Variants in SPNS3 observed in about 807,000 individuals in gnomAD.
SPNS3 encodes protein spinster homolog 3.
SPNS3 carries 51 observed loss-of-function variants against 54.4 expected under a neutral mutation model. The observed-to-expected ratio is 0.94, with a 90% confidence interval of 0.75 to 1.18. SPNS3 has a LOEUF of 1.18. SPNS3 is among the 50% of genes most tolerant of loss of function. The probability of loss-of-function intolerance (pLI) is 0.00; values close to 1 mark genes in which losing one functional copy is unlikely to be tolerated. For missense variants in SPNS3, 669 were observed against 677.4 expected (o/e 0.99, Z 0.14); for synonymous variants, 309 against 294.7 (o/e 1.05, Z -0.50).
chr17:4,476,358 G>A (rs2144193283), intron 8 of SPNS3, among the ~76,000 whole-genome samples: 1 of 152,318 alleles, frequency 6.6e-6, no homozygotes, highest in Non-Finnish European at 1.5e-5. Flanking sequence ...TTTGGGGCCG[G>A]GATCCACCCT....
At chr17:4,454,922 C>CTT (rs35746719) in intron 8 of SPNS3, among the ~76,000 whole-genome samples, 12,280 of 147,108 alleles carry the variant, frequency 0.083, 529 homozygotes, top group Middle Eastern at 0.16. Context: ...TGCACCCAGC[C>CTT]TTTTTTTTTG....
At chr17:4,451,787 C>T (rs975864288) in intron 7 of SPNS3, among the ~76,000 whole-genome samples, 3 of 151,928 alleles carry the variant, frequency 2.0e-5, no homozygotes, top group African/African-American at 7.3e-5. Flanking sequence ...CCTGCCTCAA[C>T]CTCCTGAGTG....
intron 1 of SPNS3, among the ~76,000 whole-genome samples, chr17:4,434,682 A>G (rs1970669400): frequency 6.6e-6 from 1 of 151,464 alleles, no homozygotes; most frequent in Non-Finnish European, 1.5e-5. Context: ...TTTTGAGTAG[A>G]GGAGGAGTAG....
chr17:4,445,006 A>G, intron 2 of SPNS3, 26 bp from the exon 3 acceptor site: 2 of 1,606,380 alleles, frequency 1.2e-6, no homozygotes, highest in South Asian at 1.1e-5. Flanking sequence ...GGGGGGATCC[A>G]GGCTGCCCCT....
rs763340171 is a variant in SPNS3 at position 4,446,054 on chromosome 17, T to C, written c.409T>C (p.Trp137Arg). ...SSSFISPRYS[W>R]LFFLSRGIVG... is the part of the protein sequence containing the mutation. The stretch of plus-strand genomic sequence containing the variant: ...CTTGTGCCTGCTCGCCCAGTATTCT[T>C]GGCTCTTCTTCCTGTCCCGGGGCAT... The change falls in exon 4 of 12, where the codon TGG becomes CGG. Residue 137 changes from tryptophan to arginine, a missense_variant. Transcript: ENST00000355530. 3 of 1,607,134 alleles carry C rather than the reference T, an allele frequency of 1.9e-6. No homozygotes were observed. The highest frequency in any genetic ancestry group is 1.1e-5 in the South Asian group (1 of 90,692).
chr17:4,472,932 G>A (rs1438962078), intron 8 of SPNS3, among the ~76,000 whole-genome samples: 1 of 151,486 alleles, frequency 6.6e-6, no homozygotes, highest in Non-Finnish European at 1.5e-5. Context: ...GGGATCACAG[G>A]TGCATGCCAC....
intron 8 of SPNS3, among the ~76,000 whole-genome samples, chr17:4,467,775 T>C (rs6416879): frequency 0.87 from 132,156 of 152,224 alleles, 57,677 homozygotes; most frequent in East Asian, 1. Context: ...AAGTGATTCT[T>C]CTGCCTCAGC....
chr17:4,476,697 G>A (rs1972011465), intron 8 of SPNS3, among the ~76,000 whole-genome samples: 1 of 152,182 alleles, frequency 6.6e-6, no homozygotes, highest in African/African-American at 2.4e-5. Flanking sequence ...CCTGATTCCT[G>A]CCCCTGTGGG....
chr17:4,460,505 C>T (rs1490509422), intron 8 of SPNS3, among the ~76,000 whole-genome samples: 2 of 147,844 alleles, frequency 1.4e-5, no homozygotes, highest in Non-Finnish European at 3.0e-5. Context: ...GATCTCGGCT[C>T]ACTGCAAGCT....
chr17:4,455,682 C>G (rs1971293353), intron 8 of SPNS3, among the ~76,000 whole-genome samples: 1 of 152,184 alleles, frequency 6.6e-6, no homozygotes, highest in African/African-American at 2.4e-5. Flanking sequence ...CGCCCTCTCC[C>G]CTCCCACGAC....
At chr17:4,479,176 G>A (rs1972092043) in intron 9 of SPNS3, among the ~76,000 whole-genome samples, 1 of 152,166 alleles carries the variant, frequency 6.6e-6, no homozygotes. Context: ...CCTGACCTCA[G>A]GTGATCTGCC....
At position 4,448,274 on chromosome 17, in the gene SPNS3, G is replaced by GT. The variant is rs1190467988; in HGVS notation, c.742dup (p.Cys248LeufsTer2). 3.2e-6 allele frequency: 5 copies of GT among 1,585,824 alleles called. No individual in the cohort carries two copies. The Admixed American group carries it at 5.7e-5, about 18-fold the overall frequency. On this transcript the variant is annotated frameshift_variant, in exon 6 of 12. Coordinates refer to ENST00000355530, the MANE Select transcript of SPNS3 (RefSeq NM_182538.5). LOFTEE classifies it high-confidence loss of function. ...CCGTGGGAGGCTTCAGGAGCAGCTG[G>GT]TGTGAGGACGTCAGATACCTGGGGA...
chr17:4,450,659 C>T (rs1971138691), intron 7 of SPNS3, among the ~76,000 whole-genome samples: 1 of 151,630 alleles, frequency 6.6e-6, no homozygotes, highest in African/African-American at 2.4e-5. Context: ...TGCAGTGGCA[C>T]AATCTTGGCT....
intron 8 of SPNS3, among the ~76,000 whole-genome samples, chr17:4,474,563 G>A (rs963446585): frequency 6.6e-5 from 10 of 152,132 alleles, no homozygotes; most frequent in African/African-American, 2.4e-4. Flanking sequence ...CACCGCCCCC[G>A]CCACCCCACA....
At chr17:4,450,908 G>A (rs1449047908) in intron 7 of SPNS3, among the ~76,000 whole-genome samples, 10 of 151,790 alleles carry the variant, frequency 6.6e-5, no homozygotes, top group East Asian at 1.9e-4. Flanking sequence ...GTGCCCGGCC[G>A]AACTTACAGA....
Position 4,486,166 on chromosome 17 carries a change from G to C in SPNS3, c.1180-62G>C. On this transcript the variant is annotated intron_variant, in intron 9 of 11. Transcript: ENST00000355530. The surrounding 1 kb of genome is among the most constrained non-coding windows in gnomAD (Gnocchi z 5.5). ...CCTCCAGGCAGGTCCTTGGCAGGTG[G>C]GGAACAGCAGGCAAGGGTGCCCTCA... The C allele has an allele frequency of 7.0e-7, 1 of 1,426,028 alleles. No individual in the cohort carries two copies. Among genetic ancestry groups the C allele is most frequent in the Non-Finnish European group, 9.3e-7 (1 of 1,077,972 alleles). 88.3% of individuals were successfully genotyped at this position (1,426,028 alleles called of 1,614,324 possible).
At chr17:4,444,515 G>A (rs73338493) in intron 2 of SPNS3, among the ~76,000 whole-genome samples, 11,477 of 152,032 alleles carry the variant, frequency 0.075, 1,322 homozygotes, top group African/African-American at 0.25. Flanking sequence ...GAGCCACCGC[G>A]CCCGGCCCAG....
intron 2 of SPNS3, among the ~76,000 whole-genome samples, chr17:4,444,383 T>C (rs1970927822): frequency 6.6e-6 from 1 of 151,536 alleles, no homozygotes; most frequent in Non-Finnish European, 1.5e-5. Flanking sequence ...CCTGGCTAAT[T>C]TTTTTGTATT....
chr17:4,458,573 CTTTCTTCCTTCCCTCCTTT>C (rs1567563773), intron 8 of SPNS3, among the ~76,000 whole-genome samples: 9 of 113,518 alleles, frequency 7.9e-5, no homozygotes, highest in Non-Finnish European at 2.1e-5. Context: ...TCCCTCCTTT[CTTTCTTCCTTCCCTCCTTT>C]CTTTCTTTCT....
Sources: gnomAD v4.1 joint callset for allele counts (sites outside exome capture counted in the v4.1 genomes callset) on GRCh38, gnomAD v4.1.1 for gene constraint, Gnocchi (gnomAD v3.1) non-coding constraint, MANE v1.5 for transcripts, NCBI Gene and HGNC (gene_info 2026-07-23, HGNC 2026-07-21) for gene names.